The following STX3 variants were observed in gnomAD, a reference collection of about 807,000 sequenced individuals.
STX3 encodes the protein syntaxin 3.
STX3 carries 19 observed loss-of-function variants against 40.2 expected under a neutral mutation model. The observed-to-expected ratio is 0.47, with a 90% confidence interval of 0.33 to 0.69. STX3 has a LOEUF of 0.69. Among genes scored for constraint, STX3 ranks in the 30% least tolerant of loss-of-function variants. STX3 has a pLI of 0.02. For missense variants in STX3, 364 were observed against 366.7 expected (o/e 0.99, Z 0.06); for synonymous variants, 122 against 132.2 (o/e 0.92, Z 0.53).
chr11:59,765,532 G>A (rs1207266495), intron 1 of STX3, among the ~76,000 whole-genome samples: 1 of 152,120 alleles, frequency 6.6e-6, no homozygotes, highest in African/African-American at 2.4e-5. Flanking sequence ...GGCTGGGTGC[G>A]GTGGCTCATG....
At chr11:59,800,558 AGCAGGTGTTT>A in intron 10 of STX3, 6 of 985,422 alleles carry the variant, frequency 6.1e-6, no homozygotes, top group Non-Finnish European at 7.2e-6. Context: ...GGACCTGCAG[AGCAGGTGTTT>A]TCACTAGGGA....
At chr11:59,799,796 A>T (rs903781322) in intron 10 of STX3, 45 of 985,268 alleles carry the variant, frequency 4.6e-5, no homozygotes, top group Non-Finnish European at 1.3e-5. Context: ...ACAACCTCTC[A>T]TAGACAGGTG....
chr11:59,793,564 G>A, intron 8 of STX3, 50 bp downstream of exon 8: 2 of 1,585,518 alleles, frequency 1.3e-6, no homozygotes, highest in Non-Finnish European at 1.7e-6. Context: ...GAAAGCTCAG[G>A]GTCTACTGAG....
chr11:59,796,153 T>G (rs944520518), intron 9 of STX3, among the ~76,000 whole-genome samples: 2 of 152,242 alleles, frequency 1.3e-5, no homozygotes, highest in Non-Finnish European at 2.9e-5. Context: ...TTATGTCATA[T>G]CTGATGGAGC....
intron 1 of STX3, among the ~76,000 whole-genome samples, chr11:59,766,371 T>C (rs937730559): frequency 6.6e-6 from 1 of 152,230 alleles, no homozygotes; most frequent in African/African-American, 2.4e-5. Flanking sequence ...TTTCCAACTT[T>C]TTTTCTTTCT....
intron 10 of STX3, among the ~76,000 whole-genome samples, chr11:59,799,234 G>A (rs938966545): frequency 1.3e-5 from 2 of 151,718 alleles, no homozygotes; most frequent in Non-Finnish European, 2.9e-5. Flanking sequence ...AGCATGCATT[G>A]TTAAAAAAAA....
At chr11:59,789,932 G>T (rs1865016625) in intron 4 of STX3, among the ~76,000 whole-genome samples, 1 of 152,140 alleles carries the variant, frequency 6.6e-6, no homozygotes, top group African/African-American at 2.4e-5. Context: ...GGTTTACTTA[G>T]TTCTGTTGCT....
rs530887515 is a variant in STX3, at chr11:59,788,708, A to G, written c.215-165A>G. On this transcript the variant is annotated intron_variant, in intron 3 of 10. Transcript: ENST00000337979. ...GGAAAATGCCTTTAAAAAAATAAGCACTCTGTGATTCTAATGACAGATGCT... is the reference window on the plus strand; with the variant it reads ...GGAAAATGCCTTTAAAAAAATAAGCGCTCTGTGATTCTAATGACAGATGCT... Among the ~76,000 whole-genome samples the G allele has an allele frequency of 3.9e-5, 6 of 151,908 alleles. No individual in the cohort carries two copies. In the East Asian group the frequency reaches 7.7e-4, roughly 20 times the overall value.
intron 2 of STX3, chr11:59,781,603 T>C: frequency 6.2e-7 from 1 of 1,613,860 alleles, no homozygotes. Context: ...CAATCTGGCT[T>C]GGCCATTGCG....
At chr11:59,763,223 G>C (rs768631236) in intron 1 of STX3, among the ~76,000 whole-genome samples, 2 of 152,194 alleles carry the variant, frequency 1.3e-5, no homozygotes, top group Non-Finnish European at 2.9e-5. Context: ...GTTAATGAAG[G>C]AGTGAACATT....
At chr11:59,780,005 T>C (rs374812919) in intron 2 of STX3, among the ~76,000 whole-genome samples, 83 of 152,328 alleles carry the variant, frequency 5.4e-4, no homozygotes, top group African/African-American at 2.0e-3. Flanking sequence ...ATTTCTGGGC[T>C]CTTCCAATGG....
In STX3 at chr11:59,802,479, A is replaced by C. The variant is rs1379716018; in HGVS notation, c.*1655A>C. On this transcript the variant is annotated 3_prime_UTR_variant, in exon 11 of 11. Coordinates refer to ENST00000337979, the MANE Select transcript of STX3 (RefSeq NM_004177.5). ...ACAATCCAGCACTCAGACAGAGCCA[A>C]GGCAATATCCTCTTGCCCATGGCTA... The C allele has an allele frequency of 1.0e-6, 1 of 985,736 alleles. No homozygotes were observed. The highest frequency in any genetic ancestry group is 1.2e-6 in the Non-Finnish European group (1 of 829,940). The allele number at this position is 985,736 out of a possible 1,614,324, so 61.1% of individuals were successfully genotyped here. A position where few individuals can be genotyped will look rare whatever the true frequency, so the allele number is the denominator to read the frequency against.
chr11:59,788,798 A>C, intron 3 of STX3, 75 bp from the exon 4 acceptor site: 1 of 1,308,070 alleles, frequency 7.6e-7, no homozygotes, highest in Non-Finnish European at 1.1e-6. Flanking sequence ...CCCTCCTCTG[A>C]TGATGATTGC....
rs202037367 is a variant in STX3 at position 59,771,731 on chromosome 11, AAGG to A, written c.31-1477_31-1475del. On this transcript the variant is annotated intron_variant, in intron 1 of 10. Coordinates refer to ENST00000337979, the MANE Select transcript of STX3 (RefSeq NM_004177.5). ...GCTTGGTCTAGAGTGTGCATCATAG[AAGG>A]AGAAGTATGGGTGGAGCTGGATCTT... Among the ~76,000 whole-genome samples, 46 of 152,152 alleles carry A rather than the reference AAGG, an allele frequency of 3.0e-4. No individual in the cohort carries two copies. In the East Asian group the frequency reaches 8.5e-3, roughly 28 times the overall value.
chr11:59,764,938 G>A (rs1358164002), intron 1 of STX3, among the ~76,000 whole-genome samples: 3 of 151,016 alleles, frequency 2.0e-5, no homozygotes, highest in Non-Finnish European at 3.0e-5. Flanking sequence ...CACACTGAGT[G>A]GAGTGGGGTC....
At position 59,800,996 on chromosome 11, in the gene STX3, G is replaced by T; in HGVS notation, c.*172G>T. On this transcript the variant is annotated 3_prime_UTR_variant, in exon 11 of 11. Transcript: ENST00000337979. ...TGGACCTGACTCAGCTAACAATCTA[G>T]CCCTGGGGGAATGTGATCTACCTGA... 6.5e-7 allele frequency: 1 copy of T among 1,528,054 alleles called. No homozygotes were observed. The highest frequency in any genetic ancestry group is 2.5e-5 in the East Asian group (1 of 40,756). 94.7% of individuals were successfully genotyped at this position (1,528,054 alleles called of 1,614,324 possible).
intron 1 of STX3, among the ~76,000 whole-genome samples, chr11:59,758,633 T>C (rs940900999): frequency 2.0e-5 from 3 of 152,246 alleles, no homozygotes; most frequent in Non-Finnish European, 4.4e-5. Flanking sequence ...TCTCTTGCAC[T>C]GCTCTTCCTG....
At chr11:59,780,880 A>G (rs1864324689) in intron 2 of STX3, among the ~76,000 whole-genome samples, 1 of 152,164 alleles carries the variant, frequency 6.6e-6, no homozygotes, top group African/African-American at 2.4e-5. Flanking sequence ...CAAAGCCCCA[A>G]CACACTTAAT....
At chr11:59,763,585 G>A (rs914967168) in intron 1 of STX3, among the ~76,000 whole-genome samples, 3 of 152,126 alleles carry the variant, frequency 2.0e-5, no homozygotes, top group Admixed American at 6.6e-5. Context: ...CATATAGGCC[G>A]TTTCCTAACA....
Sources: gnomAD v4.1 joint callset for allele counts (sites outside exome capture counted in the v4.1 genomes callset) on GRCh38, gnomAD v4.1.1 for gene constraint, MANE v1.5 for transcripts, NCBI Gene and HGNC (gene_info 2026-07-23, HGNC 2026-07-21) for gene names.